RBM46: variants seen among roughly 807,000 people sequenced by gnomAD.
RBM46 encodes RNA binding motif protein 46, also known as probable RNA-binding protein 46.
A neutral mutation model predicts 43.3 loss-of-function variants in RBM46; 12 were observed. That is an observed-to-expected ratio of 0.28 (90% CI 0.18 to 0.45). The LOEUF (loss-of-function observed/expected upper bound fraction) is 0.45, where lower values mean the gene tolerates loss of function less well. RBM46 is among the 20% of genes least tolerant of loss of function. RBM46 has a pLI of 1.00. For synonymous variants in RBM46, 205 were observed against 207.6 expected (o/e 0.99, Z 0.11); for missense variants, 412 against 639.1 (o/e 0.64, Z 3.83).
At chr4:154,812,316 C>A (rs1340654537) in intron 4 of RBM46, among the ~76,000 whole-genome samples, 1 of 152,098 alleles carries the variant, frequency 6.6e-6, no homozygotes, top group East Asian at 1.9e-4. Flanking sequence ...ATGTACCAGA[C>A]CCCACTCCAT....
intron 4 of RBM46, among the ~76,000 whole-genome samples, chr4:154,810,328 A>G (rs1165325267): frequency 6.6e-6 from 1 of 152,148 alleles, no homozygotes; most frequent in Non-Finnish European, 1.5e-5. Context: ...TACTCAGACT[A>G]TATTTGGAAT....
At position 154,796,686 on chromosome 4, in the gene RBM46, A is replaced by C. The variant is rs1233763648; in HGVS notation, c.-11-56A>C. The C allele has an allele frequency of 4.1e-6, 5 of 1,212,968 alleles. No homozygotes were observed. In the Admixed American group the frequency reaches 1.2e-4, roughly 30 times the overall value. 75.1% of individuals were successfully genotyped at this position (1,212,968 alleles called of 1,614,324 possible). ...TTTCTGCAACCCAAAGAAATGCCTT[A>C]TAGATTCTTGGTATTCTGTTGTAAA... On this transcript the variant is annotated intron_variant, in intron 1 of 4. Coordinates refer to ENST00000281722, the MANE Select transcript of RBM46 (RefSeq NM_144979.5).
At position 154,828,639 on chromosome 4, in the gene RBM46, GAC is replaced by G. The variant is rs1736074916; in HGVS notation, c.*576_*577del. On this transcript the variant is annotated 3_prime_UTR_variant, in exon 5 of 5. Coordinates refer to ENST00000281722, the MANE Select transcript of RBM46 (RefSeq NM_144979.5). ...CTATAGATATTTTTGTTATTTGTTA[GAC>G]ACAAATTATAATTTTGTTGTTAATG... is the stretch of plus-strand genomic sequence containing the variant. The G allele has an allele frequency of 6.6e-6, 1 of 152,536 alleles. No individual in the cohort carries two copies. Among genetic ancestry groups the G allele is most frequent in the Admixed American group, 6.6e-5 (1 of 15,250 alleles). The allele number at this position is 152,536 out of a possible 1,614,324, so 9.4% of individuals were successfully genotyped here.
intron 1 of RBM46, among the ~76,000 whole-genome samples, chr4:154,783,938 G>C (rs1733631253): frequency 6.6e-6 from 1 of 152,150 alleles, no homozygotes; most frequent in Admixed American, 6.5e-5. Context: ...AACGAGAAGT[G>C]TAGTGGCTGT....
intron 1 of RBM46, among the ~76,000 whole-genome samples, chr4:154,790,646 A>G (rs1437941206): frequency 6.6e-6 from 1 of 152,214 alleles, no homozygotes; most frequent in Non-Finnish European, 1.5e-5. Context: ...AATGTTGACT[A>G]TTTAAGACAA....
At chr4:154,823,831 C>G (rs1357193259) in intron 4 of RBM46, among the ~76,000 whole-genome samples, 1 of 151,962 alleles carries the variant, frequency 6.6e-6, no homozygotes, top group Non-Finnish European at 1.5e-5. Flanking sequence ...TCTACTCTTG[C>G]TCCTGTGTCA....
intron 4 of RBM46, among the ~76,000 whole-genome samples, chr4:154,802,672 G>T (rs1424184930): frequency 1.4e-5 from 2 of 142,782 alleles, no homozygotes; most frequent in African/African-American, 4.9e-5. Flanking sequence ...CTCAAACGAA[G>T]TTCCTTACCT....
At chr4:154,821,577 CTT>C (rs1560914236) in intron 4 of RBM46, among the ~76,000 whole-genome samples, 1 of 151,552 alleles carries the variant, frequency 6.6e-6, no homozygotes. Context: ...AGATGTATTT[CTT>C]TTTTTAATGG....
At chr4:154,817,072 G>GT (rs922135480) in intron 4 of RBM46, among the ~76,000 whole-genome samples, 37 of 142,054 alleles carry the variant, frequency 2.6e-4, no homozygotes, top group East Asian at 7.8e-4. Flanking sequence ...AAATTCATTT[G>GT]TTTTTTTTAG....
At chr4:154,812,406 A>C (rs751621923) in intron 4 of RBM46, among the ~76,000 whole-genome samples, 1 of 152,160 alleles carries the variant, frequency 6.6e-6, no homozygotes, top group Non-Finnish European at 1.5e-5. Context: ...TCTTGTTTAC[A>C]AGGTAGCTTC....
At chr4:154,827,248 A>C in intron 4 of RBM46, 1 of 926,224 alleles carries the variant, frequency 1.1e-6, no homozygotes, top group Non-Finnish European at 1.3e-6. Context: ...AGTAACTATA[A>C]GTTGATAATG....
rs1397229813 is a variant in RBM46 at position 154,799,685 on chromosome 4, T to C, written c.1402+121T>C. 1.3e-5 allele frequency: 8 copies of C among 627,836 alleles called. No homozygotes were observed. The East Asian group carries it at 2.3e-4, about 18-fold the overall frequency. The allele number at this position is 627,836 out of a possible 1,614,324, so 38.9% of individuals were successfully genotyped here. On this transcript the variant is annotated intron_variant, in intron 4 of 4. Transcript: ENST00000281722. ...GTAAGTATGTAACATAAATTTTATC[T>C]CAATTTTATAAAGTCATGATAACTT...
At chr4:154,812,213 G>A (rs1735213955) in intron 4 of RBM46, among the ~76,000 whole-genome samples, 1 of 151,930 alleles carries the variant, frequency 6.6e-6, no homozygotes, top group Non-Finnish European at 1.5e-5. Context: ...GGCAAATTAT[G>A]TTTCTGTAAG....
At chr4:154,800,989 T>A (rs1456533916) in intron 4 of RBM46, among the ~76,000 whole-genome samples, 1 of 151,798 alleles carries the variant, frequency 6.6e-6, no homozygotes, top group Admixed American at 6.6e-5. Context: ...GAAATTTTTT[T>A]TTTTTTTTTG....
At position 154,820,246 on chromosome 4, in the gene RBM46, T is replaced by C. The variant is rs1216440934; in HGVS notation, c.1403-7622T>C. 4 of 518,778 alleles carry C rather than the reference T, an allele frequency of 7.7e-6. No homozygotes were observed. The African/African-American group carries it at 7.9e-5, about 10-fold the overall frequency. 32.1% of individuals were successfully genotyped at this position (518,778 alleles called of 1,614,324 possible). On this transcript the variant is annotated intron_variant, in intron 4 of 4. Coordinates refer to ENST00000281722, the MANE Select transcript of RBM46 (RefSeq NM_144979.5). Reference sequence around the variant, plus strand: ...TTACTTCTTTTTCTCTAAATTTGTTTTTTTATTTACTGATCAAAAGGTTTT... The same window carrying C: ...TTACTTCTTTTTCTCTAAATTTGTTCTTTTATTTACTGATCAAAAGGTTTT...
intron 4 of RBM46, among the ~76,000 whole-genome samples, chr4:154,815,469 C>T (rs1735387811): frequency 1.3e-5 from 2 of 151,998 alleles, no homozygotes; most frequent in South Asian, 2.1e-4. Context: ...TTCTTGCCAA[C>T]ACTTAGATAT....
chr4:154,784,021 G>A (rs1441604202), intron 1 of RBM46, among the ~76,000 whole-genome samples: 1 of 152,128 alleles, frequency 6.6e-6, no homozygotes, highest in Non-Finnish European at 1.5e-5. Flanking sequence ...GGCAACCATT[G>A]ACCTGGCAAC....
chr4:154,804,947 A>G (rs544727110), intron 4 of RBM46, among the ~76,000 whole-genome samples: 10 of 151,532 alleles, frequency 6.6e-5, no homozygotes, highest in African/African-American at 2.2e-4. Flanking sequence ...CAGTCTAGTG[A>G]TGAAGGCAGA....
In RBM46 at chr4:154,811,651, A is replaced by ATGTG. The variant is rs751963103; in HGVS notation, c.1402+12101_1402+12104dup. Among the ~76,000 whole-genome samples, 819 of 132,570 alleles carry ATGTG rather than the reference A, an allele frequency of 6.2e-3. 5 individuals are homozygous for ATGTG. Among genetic ancestry groups the ATGTG allele is most frequent in the East Asian group, 0.023 (104 of 4,522 alleles). The allele number at this position is 132,570 out of a possible 152,430, so 87.0% of individuals were successfully genotyped here. On this transcript the variant is annotated intron_variant, in intron 4 of 4. Transcript: ENST00000281722. ...CACAGTTCCTTGTGGTAGATAGGAT[A>ATGTG]TGTGTGTGTGTGTGTGTCTGTGTGT...
Sources: allele counts gnomAD v4.1 joint callset (sites outside exome capture counted in the v4.1 genomes callset), GRCh38; gene constraint gnomAD v4.1.1; transcripts MANE v1.5; gene names NCBI Gene and HGNC (gene_info 2026-07-23, HGNC 2026-07-21).